Variants in SLC16A7 observed in about 807,000 individuals in gnomAD.
SLC16A7 encodes monocarboxylate transporter 2.
Under a neutral mutation model 34.9 loss-of-function variants are expected in SLC16A7, and 33 were observed. The ratio of observed to expected loss-of-function variants is 0.94; its 90% CI spans 0.72 to 1.26. The LOEUF (loss-of-function observed/expected upper bound fraction) is 1.26. Ranked by LOEUF, SLC16A7 falls within the 50% of genes most tolerant of loss-of-function variation. The probability of loss-of-function intolerance (pLI) is 0.00; values close to 1 mark genes in which losing one functional copy is unlikely to be tolerated. For missense variants in SLC16A7, 573 were observed against 578.1 expected (o/e 0.99, Z 0.09); for synonymous variants, 201 against 206.6 (o/e 0.97, Z 0.23).
rs1873379352 is a variant in SLC16A7, at chr12:59,704,855, G to A, written c.54G>A (p.Trp18Ter). Residue 18 changes from tryptophan to a stop codon, truncating the protein, a stop_gained, in exon 3 of 6, where the codon TGG becomes TGA. Transcript: ENST00000547379. LOFTEE classifies it high-confidence loss of function. ...TGCATCCACCTCCAGATGGAGGATG[G>A]GGTTGGATTGTGGTTGGAGCAGCTT... ...PPVHPPPDGGWGWIVVGAAFI... is the reference protein window; with the variant it reads ...PPVHPPPDGG 1 of 1,613,750 alleles carries A rather than the reference G, an allele frequency of 6.2e-7. No individual in the cohort carries two copies.
chr12:59,671,989 ATATG>A (rs1869834494), intron 2 of SLC16A7, among the ~76,000 whole-genome samples: 2 of 25,758 alleles, frequency 7.8e-5, no homozygotes, highest in East Asian at 1.0e-3. Context: ...ATCCGTATAT[ATATG>A]TGTATATATC....
intron 3 of SLC16A7, among the ~76,000 whole-genome samples, chr12:59,717,963 C>T (rs1875116128): frequency 6.6e-6 from 1 of 152,130 alleles, no homozygotes; most frequent in African/African-American, 2.4e-5. Context: ...GACATTCATG[C>T]TCCCTTAGGA....
intron 1 of SLC16A7, among the ~76,000 whole-genome samples, chr12:59,601,385 C>G (rs1358866166): frequency 6.6e-6 from 1 of 152,108 alleles, no homozygotes; most frequent in Non-Finnish European, 1.5e-5. Flanking sequence ...TGATAAGTTT[C>G]TAAGGGATAT....
intron 1 of SLC16A7, among the ~76,000 whole-genome samples, chr12:59,601,440 T>G (rs1878677662): frequency 6.6e-6 from 1 of 152,214 alleles, no homozygotes; most frequent in Non-Finnish European, 1.5e-5. Flanking sequence ...ATTTCTAGGA[T>G]TTGAAGTTCC....
At chr12:59,622,013 C>G (rs757914575) in intron 1 of SLC16A7, among the ~76,000 whole-genome samples, 1 of 151,760 alleles carries the variant, frequency 6.6e-6, no homozygotes, top group African/African-American at 2.4e-5. Context: ...AAAATTAATG[C>G]CTTAGTTACT....
intron 2 of SLC16A7, among the ~76,000 whole-genome samples, chr12:59,671,809 GTATATATATGTGTATATGTATATA>G (rs1565640596): frequency 1.5e-5 from 2 of 135,418 alleles, no homozygotes; most frequent in African/African-American, 5.9e-5. Flanking sequence ...GTATATATGT[GTATATATATGTGTATATGTATATA>G]TGTATATATG....
intron 3 of SLC16A7, among the ~76,000 whole-genome samples, chr12:59,714,146 A>G (rs1874589166): frequency 6.6e-6 from 1 of 152,162 alleles, no homozygotes; most frequent in African/African-American, 2.4e-5. Context: ...TATTTGTGAA[A>G]GCCGTGGAAG....
intron 3 of SLC16A7, among the ~76,000 whole-genome samples, chr12:59,740,735 A>G (rs928554174): frequency 2.0e-5 from 3 of 152,176 alleles, no homozygotes; most frequent in African/African-American, 4.8e-5. Flanking sequence ...AGAAGGAAAT[A>G]AAGGGTATTC....
intron 1 of SLC16A7, among the ~76,000 whole-genome samples, chr12:59,616,239 T>C (rs1879443039): frequency 1.3e-5 from 2 of 152,152 alleles, no homozygotes; most frequent in South Asian, 4.1e-4. Flanking sequence ...TTACTGAAGG[T>C]GGGAAGCACC....
chr12:59,662,294 T>C (rs1384813519), intron 2 of SLC16A7, among the ~76,000 whole-genome samples: 1 of 152,090 alleles, frequency 6.6e-6, no homozygotes, highest in Non-Finnish European at 1.5e-5. Flanking sequence ...TTGAAAATAA[T>C]ATTATAAATA....
chr12:59,608,208 C>A (rs1466807348), intron 1 of SLC16A7, among the ~76,000 whole-genome samples: 1 of 152,198 alleles, frequency 6.6e-6, no homozygotes, highest in Non-Finnish European at 1.5e-5. Context: ...AATATTCAGT[C>A]ATTTGTAATT....
At chr12:59,741,565 G>A (rs994672865) in intron 3 of SLC16A7, among the ~76,000 whole-genome samples, 7 of 152,156 alleles carry the variant, frequency 4.6e-5, no homozygotes, top group Non-Finnish European at 8.8e-5. Context: ...GCAAGTTATC[G>A]TAGGGATAGC....
At chr12:59,725,975 T>A (rs1876186173) in intron 3 of SLC16A7, among the ~76,000 whole-genome samples, 1 of 152,166 alleles carries the variant, frequency 6.6e-6, no homozygotes, top group South Asian at 2.1e-4. Flanking sequence ...TTTAGTGTGT[T>A]CTCAGGAAGT....
At chr12:59,651,151 AC>A (rs1460549654) in intron 1 of SLC16A7, among the ~76,000 whole-genome samples, 1 of 152,180 alleles carries the variant, frequency 6.6e-6, no homozygotes, top group Non-Finnish European at 1.5e-5. Context: ...AATTTTCAAT[AC>A]ACCACTAAAC....
At chr12:59,741,084 A>G (rs1878274610) in intron 3 of SLC16A7, among the ~76,000 whole-genome samples, 1 of 152,138 alleles carries the variant, frequency 6.6e-6, no homozygotes. Flanking sequence ...ATGGAAGAAC[A>G]TTCCATGCTC....
At position 59,739,223 on chromosome 12, in the gene SLC16A7, G is replaced by A. The variant is rs1877996523; in HGVS notation, c.218-31996G>A. 2.5e-5 allele frequency among the ~76,000 whole-genome samples: 3 copies of A among 118,348 alleles called. No individual in the cohort carries two copies. In the South Asian group the frequency reaches 8.3e-4, roughly 33 times the overall value. The allele number at this position is 118,348 out of a possible 152,430, so 77.6% of individuals were successfully genotyped here. A position where few individuals can be genotyped will look rare whatever the true frequency, so the allele number is the denominator to read the frequency against. On this transcript the variant is annotated intron_variant, in intron 3 of 5. Coordinates refer to ENST00000547379, the MANE Select transcript of SLC16A7 (RefSeq NM_001270623.2). ...CCCACCCCACAACAGTCCCCAGAGT[G>A]TGATGTTCCCCTTCCTGTGTCCATA...
chr12:59,684,575 T>A (rs1306410600), intron 2 of SLC16A7, among the ~76,000 whole-genome samples: 1 of 151,972 alleles, frequency 6.6e-6, no homozygotes, highest in Non-Finnish European at 1.5e-5. Context: ...TGAAGATGTA[T>A]CGAAGAAGTG....
chr12:59,779,201 T>G (rs1164234026), intron 5 of SLC16A7, among the ~76,000 whole-genome samples: 1 of 152,020 alleles, frequency 6.6e-6, no homozygotes, highest in East Asian at 1.9e-4. Flanking sequence ...GAGAAATAAT[T>G]TTTAGTAAAT....
At chr12:59,669,652 TCACACACA>T (rs144456899) in intron 2 of SLC16A7, among the ~76,000 whole-genome samples, 26 of 139,612 alleles carry the variant, frequency 1.9e-4, no homozygotes, top group African/African-American at 6.2e-4. Flanking sequence ...CCATAGATAG[TCACACACA>T]CACACACACA....
Sources: allele counts gnomAD v4.1 joint callset (sites outside exome capture counted in the v4.1 genomes callset), GRCh38; gene constraint gnomAD v4.1.1; transcripts MANE v1.5; gene names NCBI Gene and HGNC (gene_info 2026-07-23, HGNC 2026-07-21).